MAGI3: variants seen among roughly 807,000 people sequenced by gnomAD.
MAGI3 encodes membrane associated guanylate kinase, WW and PDZ domain containing 3.
Under a neutral mutation model 121.8 loss-of-function variants are expected in MAGI3, and 43 were observed. That is an observed-to-expected ratio of 0.35 (90% confidence interval 0.28 to 0.46). MAGI3 has a LOEUF of 0.46. Ranked by LOEUF, MAGI3 falls within the 20% of genes least tolerant of loss-of-function variation. The probability of loss-of-function intolerance (pLI) is 1.00; values close to 1 mark genes in which losing one functional copy is unlikely to be tolerated. For missense variants in MAGI3, 1,547 were observed against 1,797.3 expected (o/e 0.86, Z 2.52); for synonymous variants, 553 against 639.3 (o/e 0.86, Z 2.04).
chr1:113,635,963 A>G (rs1405809500), intron 9 of MAGI3, among the ~76,000 whole-genome samples: 1 of 152,206 alleles, frequency 6.6e-6, no homozygotes, highest in African/African-American at 2.4e-5. Flanking sequence ...GGGAGGGTGT[A>G]TGTGTCGAGG....
At chr1:113,476,538 G>A in intron 1 of MAGI3, among the ~76,000 whole-genome samples, 1 of 152,210 alleles carries the variant, frequency 6.6e-6, no homozygotes, top group East Asian at 1.9e-4. Flanking sequence ...AGTTTTGAGT[G>A]AGTTTCTTAA....
chr1:113,484,662 C>G (rs1182678998), intron 1 of MAGI3, among the ~76,000 whole-genome samples: 6 of 40,776 alleles, frequency 1.5e-4, no homozygotes, highest in Non-Finnish European at 2.4e-4. Context: ...CCTCCCCTCC[C>G]CTCCCCTCCC....
chr1:113,572,320 A>G (rs1188002115), intron 2 of MAGI3, among the ~76,000 whole-genome samples: 1 of 152,184 alleles, frequency 6.6e-6, no homozygotes, highest in Non-Finnish European at 1.5e-5. Context: ...GGTTTTTCGC[A>G]TCGATGTTCA....
chr1:113,551,408 G>C (rs902933694), intron 2 of MAGI3, among the ~76,000 whole-genome samples: 5 of 152,148 alleles, frequency 3.3e-5, no homozygotes, highest in African/African-American at 1.2e-4. Context: ...GTGGACATCT[G>C]ATTCTTGTCC....
At chr1:113,545,084 T>TA (rs1491206842) in intron 1 of MAGI3, among the ~76,000 whole-genome samples, 3 of 91,818 alleles carry the variant, frequency 3.3e-5, no homozygotes, top group Non-Finnish European at 5.0e-5. Context: ...TTTTGTTTTG[T>TA]TTTTTTTTTA....
chr1:113,533,089 A>C (rs1276429560), intron 1 of MAGI3, among the ~76,000 whole-genome samples: 1 of 152,132 alleles, frequency 6.6e-6, no homozygotes, highest in Admixed American at 6.5e-5. Context: ...TTTTTTCATC[A>C]CAGTAGCTAA....
intron 9 of MAGI3, among the ~76,000 whole-genome samples, chr1:113,634,682 G>A (rs566198428): frequency 6.6e-6 from 1 of 152,146 alleles, no homozygotes; most frequent in Non-Finnish European, 1.5e-5. Context: ...CTCCAGCTTT[G>A]TTCTTTTGGC....
intron 1 of MAGI3, chr1:113,404,469 A>G (rs1651570505): frequency 6.6e-6 from 1 of 152,146 alleles, no homozygotes; most frequent in African/African-American, 2.4e-5. Context: ...ATTATTTCCT[A>G]ATTATTTGCC....
At chr1:113,398,861 T>A (rs1413954308) in intron 1 of MAGI3, among the ~76,000 whole-genome samples, 1 of 151,988 alleles carries the variant, frequency 6.6e-6, no homozygotes, top group Non-Finnish European at 1.5e-5. Flanking sequence ...TTATCTAGTT[T>A]GCAGCAAGTA....
At chr1:113,572,747 T>C (rs1647377298) in intron 2 of MAGI3, among the ~76,000 whole-genome samples, 1 of 152,210 alleles carries the variant, frequency 6.6e-6, no homozygotes, top group Non-Finnish European at 1.5e-5. Context: ...ATATCCCCTT[T>C]ATCATTTTTT....
At chr1:113,544,432 A>C (rs1212932371) in intron 1 of MAGI3, among the ~76,000 whole-genome samples, 1 of 152,230 alleles carries the variant, frequency 6.6e-6, no homozygotes, top group Non-Finnish European at 1.5e-5. Flanking sequence ...TTTGCCTTTA[A>C]GGAAAACAGA....
chr1:113,419,650 GGA>G (rs895186792), intron 1 of MAGI3, among the ~76,000 whole-genome samples: 3 of 152,108 alleles, frequency 2.0e-5, no homozygotes, highest in Admixed American at 6.5e-5. Context: ...TTGTATTTTT[GGA>G]GAGTGGTTGG....
chr1:113,398,378 T>A (rs970501032), intron 1 of MAGI3, among the ~76,000 whole-genome samples: 8 of 152,180 alleles, frequency 5.3e-5, no homozygotes, highest in Non-Finnish European at 7.4e-5. Flanking sequence ...TTGGAAAAAA[T>A]TTTGTTTCAA....
chr1:113,521,496 TC>T (rs1042856756), intron 1 of MAGI3, among the ~76,000 whole-genome samples: 17 of 151,276 alleles, frequency 1.1e-4, no homozygotes, highest in African/African-American at 4.1e-4. Flanking sequence ...AGCTCTGCCT[TC>T]CGGGTTCATG....
intron 9 of MAGI3, among the ~76,000 whole-genome samples, chr1:113,641,108 A>AT (rs370899230): frequency 0.52 from 20,922 of 40,606 alleles, 5,939 homozygotes; most frequent in African/African-American, 0.73. Context: ...TATGATATAT[A>AT]AATATATATG....
chr1:113,485,571 C>G (rs1656344064), intron 1 of MAGI3, among the ~76,000 whole-genome samples: 1 of 152,016 alleles, frequency 6.6e-6, no homozygotes, highest in Admixed American at 6.5e-5. Context: ...TAGTCCTTTA[C>G]CAGATGTATA....
chr1:113,671,296 A>C (rs570604548), intron 16 of MAGI3, among the ~76,000 whole-genome samples: 107 of 152,228 alleles, frequency 7.0e-4, no homozygotes, highest in African/African-American at 2.4e-3. Flanking sequence ...CAAAGGTGTG[A>C]GTGTGGTTTG....
At chr1:113,437,895 TCTCCTTCTCCTTCTCCTTCTCCTTCTC>T (rs56116821) in intron 1 of MAGI3, among the ~76,000 whole-genome samples, 4,406 of 11,582 alleles carry the variant, frequency 0.38, 301 homozygotes, top group Middle Eastern at 0.42. Context: ...TCCTTCTCCT[TCTCCTTCTCCTTCTCCTTCTCCTTCTC>T]CTCCTTCTCC....
chr1:113,620,152 C>T (rs1048715711), intron 8 of MAGI3, among the ~76,000 whole-genome samples: 19 of 152,220 alleles, frequency 1.2e-4, no homozygotes, highest in Non-Finnish European at 2.4e-4. Context: ...TCCAGTTCAT[C>T]GTTAGCTTTT....
Sources: allele counts gnomAD v4.1 joint callset (sites outside exome capture counted in the v4.1 genomes callset), GRCh38; gene constraint gnomAD v4.1.1; transcripts MANE v1.5; gene names NCBI Gene and HGNC (gene_info 2026-07-23, HGNC 2026-07-21).